CNOT10: variants seen among roughly 807,000 people sequenced by gnomAD.
CNOT10 encodes the protein CCR4-NOT transcription complex, subunit 10.
CNOT10 carries 30 observed loss-of-function variants against 94.6 expected under a neutral mutation model. The ratio of observed to expected loss-of-function variants is 0.32; its 90% CI spans 0.24 to 0.43. The LOEUF (loss-of-function observed/expected upper bound fraction) is 0.43. CNOT10 is among the 20% of genes least tolerant of loss of function. The pLI is 1.00. For synonymous variants in CNOT10, 289 were observed against 301.6 expected, an observed-to-expected ratio of 0.96 and a Z score of 0.43; for missense variants, 759 against 877.2, an observed-to-expected ratio of 0.87 and a Z score of 1.70.
In CNOT10 at chr3:32,717,166, G is replaced by C. The variant is rs772162449; in HGVS notation, c.673G>C (p.Ala225Pro). The change falls in exon 7 of 19, where the codon GCT becomes CCT. Residue 225 changes from alanine (A) to proline (P), a missense_variant. Ala to Pro is a conservative substitution (Grantham distance 27). Around this residue, in one of 3 missense-constraint regions of CNOT10, gnomAD observed 682 missense variants for 799.4 expected, o/e 0.85. Transcript: ENST00000328834. ...TTCCCTTTGACAGTACAAAGTACGAGCTTATATCCAAATGAAGTCTCTGAA... is the reference window on the plus strand; with the variant it reads ...TTCCCTTTGACAGTACAAAGTACGACCTTATATCCAAATGAAGTCTCTGAA... Reference protein sequence around the residue: ...KSKIHQYKVRAYIQMKSLKAC... With the variant: ...KSKIHQYKVRPYIQMKSLKAC... The C allele has an allele frequency of 1.2e-6, 2 of 1,600,770 alleles. No homozygotes were observed. Among genetic ancestry groups the C allele is most frequent in the South Asian group, 2.2e-5 (2 of 89,894 alleles).
rs1195745490 is a variant in CNOT10 at position 32,747,952 on chromosome 3, T to TC, written c.1595+10468dup. Among the ~76,000 whole-genome samples, 3 of 148,980 alleles carry TC rather than the reference T, an allele frequency of 2.0e-5. No individual in the cohort carries two copies. The Admixed American group carries it at 2.0e-4, about 10-fold the overall frequency. The stretch of plus-strand genomic sequence containing the variant: ...ACAGAGCAAGACTCCGTCCCAACGC[T>TC]CCCCCCACCTCCAAAAAAAAAGACT... On this transcript the variant is annotated intron_variant, in intron 13 of 18. Transcript: ENST00000328834.
At chr3:32,727,918 A>T (rs1373315943) in intron 10 of CNOT10, 48 bp downstream of exon 10, 2 of 1,348,836 alleles carry the variant, frequency 1.5e-6, no homozygotes, top group East Asian at 4.7e-5. Flanking sequence ...CTCCCCACTT[A>T]CTACATGGAA....
intron 13 of CNOT10, among the ~76,000 whole-genome samples, chr3:32,745,026 G>T (rs999568668): frequency 6.6e-6 from 1 of 152,072 alleles, no homozygotes; most frequent in Admixed American, 6.6e-5. Flanking sequence ...TTACAGGCGT[G>T]TGCCACAATG....
At chr3:32,692,753 T>C (rs1696901991) in intron 1 of CNOT10, among the ~76,000 whole-genome samples, 1 of 152,048 alleles carries the variant, frequency 6.6e-6, no homozygotes, top group Admixed American at 6.6e-5. Flanking sequence ...CTTTAAAGAG[T>C]AGCTCTCCTG....
intron 13 of CNOT10, among the ~76,000 whole-genome samples, chr3:32,739,741 A>G (rs1559503320): frequency 6.6e-6 from 1 of 152,162 alleles, no homozygotes. Flanking sequence ...CCTAGCCAAC[A>G]TGGTGAAACC....
Position 32,694,158 on chromosome 3 carries a change from A to G in CNOT10, c.22+8676A>G, listed in dbSNP as rs1696958887. ...GATAAATTTTTTTTTTTTTTAATTT[A>G]AAAAAAGTGTTTGGTACTCTACACT... On this transcript the variant is annotated intron_variant, in intron 1 of 18. Coordinates refer to ENST00000328834, the MANE Select transcript of CNOT10 (RefSeq NM_015442.3). 2.0e-5 allele frequency among the ~76,000 whole-genome samples: 3 copies of G among 151,812 alleles called. No individual in the cohort carries two copies. In the South Asian group the frequency reaches 6.2e-4, roughly 32 times the overall value.
chr3:32,749,614 TG>T (rs1699869308), intron 13 of CNOT10, among the ~76,000 whole-genome samples: 1 of 152,036 alleles, frequency 6.6e-6, no homozygotes, highest in Admixed American at 6.6e-5. Flanking sequence ...TTCCCCATGT[TG>T]GTCATGCTGG....
rs1698308851 is a variant in CNOT10, at chr3:32,720,218, A to G, written c.849A>G (p.Gly283=). Residue 283 remains glycine, a synonymous_variant, in exon 8 of 19, where the codon GGA becomes GGG. Transcript: ENST00000328834. ...GTTCAAACATTGCTGAGCATCCAGG[A>G]TTCATGAAAACAGGTAAAAGAAAAT... is the stretch of plus-strand genomic sequence containing the variant. ...LNSSNIAEHP[G]FMKTGECLRC... 6.7e-7 allele frequency: 1 copy of G among 1,501,604 alleles called. No individual in the cohort carries two copies. Among genetic ancestry groups the G allele is most frequent in the Non-Finnish European group, 9.1e-7 (1 of 1,100,484 alleles). The allele number at this position is 1,501,604 out of a possible 1,614,324, so 93.0% of individuals were successfully genotyped here.
chr3:32,704,752 T>C (rs911721404), intron 2 of CNOT10, 59 bp from the exon 3 acceptor site: 17 of 1,476,030 alleles, frequency 1.2e-5, no homozygotes, highest in African/African-American at 1.5e-5. Context: ...TGGAATGATA[T>C]ACTGTATTTA....
intron 7 of CNOT10, among the ~76,000 whole-genome samples, chr3:32,719,425 A>G (rs570353668): frequency 2.6e-5 from 4 of 152,254 alleles, no homozygotes; most frequent in South Asian, 2.1e-4. Flanking sequence ...GTCTCAATCA[A>G]TCAATCACTC....
chr3:32,730,752 G>A (rs1698905429), intron 10 of CNOT10: 1 of 152,184 alleles, frequency 6.6e-6, no homozygotes. Flanking sequence ...TGCTAAGGAG[G>A]ACATTTTGTC....
In CNOT10 at chr3:32,773,459, A is replaced by G. The variant is rs752279883; in HGVS notation, c.2083A>G (p.Asn695Asp). ...LAVYLELQNG[N>D]TQLALQIIKR... is the part of the protein sequence containing the mutation. ...TTTAACGGGAAGTGTTTTTATAGGT[A>G]ATACTCAGCTGGCCTTACAGATCAT... Residue 695 changes from asparagine (N) to aspartate (D), a missense_variant and splice_region_variant, in exon 19 of 19, where the codon AAT becomes GAT. By Grantham distance (23) the Asn-to-Asp change is conservative (BLOSUM62 1). Around this residue, in one of 3 missense-constraint regions of CNOT10, gnomAD observed 73 missense variants for 61.0 expected, o/e 1.20. Transcript: ENST00000328834. 1.9e-6 allele frequency: 3 copies of G among 1,611,864 alleles called. No homozygotes were observed. Among genetic ancestry groups the G allele is most frequent in the Admixed American group, 1.7e-5 (1 of 59,336 alleles).
At chr3:32,735,445 C>T (rs758171810) in intron 12 of CNOT10, among the ~76,000 whole-genome samples, 9 of 152,122 alleles carry the variant, frequency 5.9e-5, no homozygotes, top group Admixed American at 2.0e-4. Context: ...TGGGGGCTCA[C>T]GCCTGTAATC....
chr3:32,717,222 G>A lies in CNOT10; in HGVS notation c.729G>A (p.Met243Ile), dbSNP rs1282644797. 6.2e-7 allele frequency: 1 copy of A among 1,603,176 alleles called. No homozygotes were observed. Among genetic ancestry groups the A allele is most frequent in the African/African-American group, 1.3e-5 (1 of 74,634 alleles). Residue 243 changes from methionine to isoleucine, a missense_variant, in exon 7 of 19, where the codon ATG becomes ATA. Physicochemically the swap from Met to Ile is conservative, Grantham distance 10 (BLOSUM62 1). Transcript: ENST00000328834. ...GTAAAAGGGAAATCAAGTCAGTCAT[G>A]AATACAGCTGGAAATGTAAGTTTCT... ...KACKREIKSVMNTAGNSAPSL... is the reference protein window; with the variant it reads ...KACKREIKSVINTAGNSAPSL...
chr3:32,727,931 G>GT (rs1698754802), intron 10 of CNOT10, 61 bp downstream of exon 10: 1 of 965,748 alleles, frequency 1.0e-6, no homozygotes, highest in Non-Finnish European at 1.5e-6. Flanking sequence ...ACATGGAATG[G>GT]TTAAAAAAAA....
chr3:32,753,475 G>T, intron 13 of CNOT10: 2 of 1,559,570 alleles, frequency 1.3e-6, no homozygotes, highest in Non-Finnish European at 8.8e-7. Context: ...TTTGAAACTG[G>T]AACTTCATCC....
chr3:32,764,095 G>T (rs527758129), intron 15 of CNOT10: 103 of 196,830 alleles, frequency 5.2e-4, no homozygotes, highest in African/African-American at 2.3e-3. Context: ...TTGCACTCCA[G>T]CCTGGGCGGC....
rs1559490879 is a variant in CNOT10, at chr3:32,720,094, C to A, written c.745-20C>A. ...GCGTCTGAAAACAAATTATAAGTAA[C>A]TTTTATATTTTCTCTACAGTCCGCA... is the stretch of plus-strand genomic sequence containing the variant. On this transcript the variant is annotated intron_variant, in intron 7 of 18. Coordinates refer to ENST00000328834, the MANE Select transcript of CNOT10 (RefSeq NM_015442.3). 1.5e-6 allele frequency: 2 copies of A among 1,301,380 alleles called. No individual in the cohort carries two copies. The highest frequency in any genetic ancestry group is 3.7e-5 in the Admixed American group (2 of 54,146). 80.6% of individuals were successfully genotyped at this position (1,301,380 alleles called of 1,614,324 possible). A position where few individuals can be genotyped will look rare whatever the true frequency, so the allele number is the denominator to read the frequency against.
chr3:32,761,583 T>C (rs1700446850), intron 14 of CNOT10, among the ~76,000 whole-genome samples: 1 of 150,406 alleles, frequency 6.6e-6, no homozygotes, highest in African/African-American at 2.4e-5. Flanking sequence ...TCTGAGACAG[T>C]TTCACTCTGT....
Sources: allele counts gnomAD v4.1 joint callset (sites outside exome capture counted in the v4.1 genomes callset), GRCh38; gene constraint gnomAD v4.1.1; regional missense constraint gnomAD v4.1.1; transcripts MANE v1.5; gene names NCBI Gene and HGNC (gene_info 2026-07-23, HGNC 2026-07-21).